The following SOX5 variants were observed in gnomAD, a reference collection of about 807,000 sequenced individuals.
The protein encoded by SOX5 is SRY-box transcription factor 5.
In SOX5, 9 loss-of-function variants were observed where a neutral mutation model predicts 92.0. That is an observed-to-expected ratio of 0.10 (90% confidence interval 0.06 to 0.17). The LOEUF (loss-of-function observed/expected upper bound fraction) is 0.17. Ranked by LOEUF, SOX5 falls within the 10% of genes least tolerant of loss-of-function variation. SOX5 has a pLI of 1.00. For synonymous variants in SOX5, 344 were observed against 336.3 expected (o/e 1.02, Z -0.25); for missense variants, 642 against 944.5 (o/e 0.68, Z 4.20).
At chr12:24,098,242 C>G (rs565309885) in intron 4 of SOX5, among the ~76,000 whole-genome samples, 1 of 152,100 alleles carries the variant, frequency 6.6e-6, no homozygotes, top group Non-Finnish European at 1.5e-5. Flanking sequence ...TCCTTATTAA[C>G]CACTTAGGTC....
At chr12:24,120,306 A>G (rs1948481552) in intron 4 of SOX5, among the ~76,000 whole-genome samples, 1 of 152,182 alleles carries the variant, frequency 6.6e-6, no homozygotes. Context: ...TTAGAGTTCC[A>G]GTTTCTCCAT....
At chr12:24,533,317 G>A (rs11047489) in intron 1 of SOX5, among the ~76,000 whole-genome samples, 14,925 of 152,116 alleles carry the variant, frequency 0.098, 941 homozygotes, top group Non-Finnish European at 0.14. Context: ...TCTTGGATAT[G>A]GAAGATAATT....
At chr12:24,123,876 G>A (rs1948857446) in intron 4 of SOX5, among the ~76,000 whole-genome samples, 1 of 152,158 alleles carries the variant, frequency 6.6e-6, no homozygotes, top group African/African-American at 2.4e-5. Flanking sequence ...TTGAGCAGCT[G>A]GCACTCCCAG....
intron 1 of SOX5, among the ~76,000 whole-genome samples, chr12:24,526,328 G>A (rs1950706787): frequency 6.6e-6 from 1 of 152,128 alleles, no homozygotes; most frequent in Non-Finnish European, 1.5e-5. Context: ...AGGAAAATTT[G>A]ATGATGCAGC....
At chr12:24,107,529 G>A (rs1282090274) in intron 4 of SOX5, among the ~76,000 whole-genome samples, 2 of 152,142 alleles carry the variant, frequency 1.3e-5, no homozygotes, top group African/African-American at 4.8e-5. Context: ...CAAAGCCAGG[G>A]CTTCTTGAAA....
chr12:23,721,781 T>C (rs2092829902), intron 6 of SOX5, among the ~76,000 whole-genome samples: 1 of 152,216 alleles, frequency 6.6e-6, no homozygotes, highest in Non-Finnish European at 1.5e-5. Context: ...GTTCATTAAA[T>C]AGTTAAGAGA....
intron 1 of SOX5, among the ~76,000 whole-genome samples, chr12:23,899,409 GAA>G (rs754805392): frequency 1.7e-5 from 2 of 120,048 alleles, no homozygotes; most frequent in African/African-American, 3.0e-5. Context: ...TGAAAAAAAA[GAA>G]AAAAAAAAAA....
chr12:23,681,680 AATT>A (rs1566944035), intron 6 of SOX5, among the ~76,000 whole-genome samples: 2 of 151,806 alleles, frequency 1.3e-5, no homozygotes, highest in African/African-American at 4.8e-5. Flanking sequence ...ATAACTTAAG[AATT>A]ATTATGTCTT....
At chr12:23,703,183 G>C (rs1370601605) in intron 6 of SOX5, among the ~76,000 whole-genome samples, 2 of 152,038 alleles carry the variant, frequency 1.3e-5, no homozygotes, top group Admixed American at 6.6e-5. Flanking sequence ...GCTGGCACAA[G>C]CAAGTGAAAA....
intron 1 of SOX5, among the ~76,000 whole-genome samples, chr12:24,401,821 C>G (rs1566077832): frequency 1.3e-5 from 2 of 150,918 alleles, no homozygotes; most frequent in African/African-American, 4.9e-5. Context: ...AATATTTACT[C>G]TCTAGCCCTT....
intron 13 of SOX5, among the ~76,000 whole-genome samples, chr12:23,539,049 C>T (rs1397375521): frequency 1.3e-5 from 2 of 151,792 alleles, no homozygotes; most frequent in African/African-American, 4.8e-5. Context: ...TCGTGATCTG[C>T]CCGGTTCGGC....
intron 6 of SOX5, among the ~76,000 whole-genome samples, chr12:23,675,463 T>C (rs1362815138): frequency 2.0e-5 from 3 of 152,252 alleles, no homozygotes; most frequent in Admixed American, 1.3e-4. Context: ...GATAGTCTCT[T>C]CAATAAATGG....
chr12:24,025,400 A>G (rs1954771113), intron 4 of SOX5, among the ~76,000 whole-genome samples: 1 of 152,122 alleles, frequency 6.6e-6, no homozygotes, highest in South Asian at 2.1e-4. Flanking sequence ...TCCAGTCTAG[A>G]GAGAAAGAAT....
intron 4 of SOX5, among the ~76,000 whole-genome samples, chr12:24,001,571 T>C (rs1348344675): frequency 6.6e-6 from 1 of 152,112 alleles, no homozygotes; most frequent in African/African-American, 2.4e-5. Flanking sequence ...TGGCTCATAC[T>C]TGTAATCCGA....
At chr12:23,779,926 T>TTTA (rs1292162839) in intron 3 of SOX5, among the ~76,000 whole-genome samples, 1 of 145,888 alleles carries the variant, frequency 6.9e-6, no homozygotes, top group African/African-American at 2.5e-5. Context: ...AAGACATGTG[T>TTTA]TTATGTGTGT....
At chr12:24,480,990 G>A (rs1215196913) in intron 1 of SOX5, among the ~76,000 whole-genome samples, 1 of 152,046 alleles carries the variant, frequency 6.6e-6, no homozygotes, top group African/African-American at 2.4e-5. Flanking sequence ...CAATAGCCAA[G>A]ATTCAGAAGC....
chr12:24,469,564 C>T (rs1473522665), intron 1 of SOX5, among the ~76,000 whole-genome samples: 1 of 152,134 alleles, frequency 6.6e-6, no homozygotes, highest in African/African-American at 2.4e-5. Context: ...TGTACAAAAA[C>T]AGAGAGAACC....
intron 9 of SOX5, among the ~76,000 whole-genome samples, chr12:23,576,334 C>T (rs561136609): frequency 1.6e-3 from 238 of 152,098 alleles, no homozygotes; most frequent in Non-Finnish European, 2.7e-3. Flanking sequence ...AAATTCAACA[C>T]GCACACACAA....
chr12:23,669,378 G>C lies in SOX5; in HGVS notation c.811-3814C>G, dbSNP rs117742049. 5.9e-5 allele frequency among the ~76,000 whole-genome samples: 9 copies of C among 152,170 alleles called. No individual in the cohort carries two copies. In the East Asian group the frequency reaches 1.7e-3, roughly 29 times the overall value. ...GGCAAGAAAAAAACATCATGTGAGG[G>C]AGACACTACCAGCAGCTAGGAATGG... On this transcript the variant is annotated intron_variant, in intron 6 of 14. Transcript: ENST00000451604.
Sources: allele counts gnomAD v4.1 joint callset (sites outside exome capture counted in the v4.1 genomes callset), GRCh38; gene constraint gnomAD v4.1.1; transcripts MANE v1.5; gene names NCBI Gene and HGNC (gene_info 2026-07-23, HGNC 2026-07-21).